The following CDH13 variants were observed in gnomAD, a reference collection of about 807,000 sequenced individuals.
CDH13 encodes the protein cadherin 13.
CDH13 carries 24 observed loss-of-function variants against 63.8 expected under a neutral mutation model. The observed-to-expected ratio is 0.38, with a 90% CI of 0.27 to 0.53. The LOEUF (loss-of-function observed/expected upper bound fraction) is 0.53. Ranked by LOEUF, CDH13 falls within the 20% of genes least tolerant of loss-of-function variation. The pLI, the probability that CDH13 is intolerant of heterozygous loss-of-function variation, is 0.85. For synonymous variants in CDH13, 503 were observed against 355.3 expected (o/e 1.42, Z -4.67); for missense variants, 1,049 against 903.1 (o/e 1.16, Z -2.07).
chr16:83,085,974 A>C (rs546553748), intron 3 of CDH13, among the ~76,000 whole-genome samples: 130 of 152,310 alleles, frequency 8.5e-4, no homozygotes, highest in Non-Finnish European at 1.6e-3. Flanking sequence ...TCCTTTGCTG[A>C]GAGAGTTAAA....
chr16:82,984,568 A>T (rs1303339609), intron 2 of CDH13, among the ~76,000 whole-genome samples: 1 of 152,188 alleles, frequency 6.6e-6, no homozygotes, highest in East Asian at 1.9e-4. Flanking sequence ...ATTCATTTTC[A>T]ACTTGCTCTG....
intron 10 of CDH13, among the ~76,000 whole-genome samples, chr16:83,695,091 C>T (rs1463503245): frequency 6.6e-6 from 1 of 152,066 alleles, no homozygotes; most frequent in Non-Finnish European, 1.5e-5. Flanking sequence ...CCCATAGTCC[C>T]AGCTATTCAG....
chr16:83,310,125 C>G (rs964222781), intron 5 of CDH13, among the ~76,000 whole-genome samples: 9 of 152,114 alleles, frequency 5.9e-5, no homozygotes, highest in African/African-American at 2.2e-4. Context: ...TTGGAAGTGA[C>G]AGATGAAATT....
chr16:83,116,802 A>C (rs1267575764), intron 3 of CDH13, among the ~76,000 whole-genome samples: 1 of 152,202 alleles, frequency 6.6e-6, no homozygotes, highest in African/African-American at 2.4e-5. Flanking sequence ...CTTTTAAAAT[A>C]CTGCAGGCGA....
chr16:83,445,478 C>T (rs760031735), intron 6 of CDH13, among the ~76,000 whole-genome samples: 2 of 152,086 alleles, frequency 1.3e-5, no homozygotes, highest in Non-Finnish European at 2.9e-5. Flanking sequence ...TAAGGAGGAG[C>T]TTTATCACCT....
At chr16:83,317,049 G>C (rs767811039) in intron 5 of CDH13, among the ~76,000 whole-genome samples, 2 of 152,148 alleles carry the variant, frequency 1.3e-5, no homozygotes, top group Admixed American at 6.5e-5. Context: ...AGACATTTCT[G>C]GTTATCACAA....
At chr16:82,759,904 C>T (rs1030045599) in intron 1 of CDH13, among the ~76,000 whole-genome samples, 6 of 152,072 alleles carry the variant, frequency 3.9e-5, no homozygotes, top group African/African-American at 1.4e-4. Context: ...AAGCCCCAAT[C>T]CACATTTTTT....
intron 4 of CDH13, among the ~76,000 whole-genome samples, chr16:83,192,571 G>A (rs2038752392): frequency 6.6e-6 from 1 of 152,154 alleles, no homozygotes; most frequent in Non-Finnish European, 1.5e-5. Flanking sequence ...TAAATCCAGA[G>A]GCTATAAACT....
intron 5 of CDH13, among the ~76,000 whole-genome samples, chr16:83,272,126 CCT>C (rs1255207642): frequency 6.6e-6 from 1 of 152,144 alleles, no homozygotes; most frequent in Non-Finnish European, 1.5e-5. Context: ...TTATGGAGTA[CCT>C]CTCTCAGTCC....
chr16:83,229,947 C>T (rs1422501672), intron 5 of CDH13, among the ~76,000 whole-genome samples: 1 of 152,098 alleles, frequency 6.6e-6, no homozygotes, highest in Admixed American at 6.5e-5. Flanking sequence ...GTAAAACATT[C>T]GTGTGACTGG....
chr16:83,204,835 A>G lies in CDH13; in HGVS notation c.484-12510A>G, dbSNP rs530541792. 9.5e-4 allele frequency among the ~76,000 whole-genome samples: 144 copies of G among 152,336 alleles called. 1 individual carries two copies. The highest frequency in any genetic ancestry group is 3.3e-3 in the African/African-American group (139 of 41,588). On this transcript the variant is annotated intron_variant, in intron 4 of 13. Coordinates refer to ENST00000567109, the MANE Select transcript of CDH13 (RefSeq NM_001257.5). ...TGGGACCCAGGTCCATGAAGTCACT[A>G]CAATTTGGAACATTGCTGGTCACCA...
intron 6 of CDH13, among the ~76,000 whole-genome samples, chr16:83,400,579 A>G (rs558069610): frequency 6.6e-6 from 1 of 152,332 alleles, no homozygotes; most frequent in South Asian, 2.1e-4. Context: ...AGTTTTTGCC[A>G]TTGAAAGTAA....
chr16:83,728,453 T>C (rs886757296), intron 10 of CDH13, among the ~76,000 whole-genome samples: 5 of 152,098 alleles, frequency 3.3e-5, no homozygotes, highest in Non-Finnish European at 5.9e-5. Flanking sequence ...ATATGTGCAA[T>C]GCAATTCTTT....
chr16:83,033,146 A>G (rs140359312), intron 3 of CDH13, among the ~76,000 whole-genome samples: 2 of 152,314 alleles, frequency 1.3e-5, no homozygotes, highest in East Asian at 3.9e-4. Flanking sequence ...ACATATGTAT[A>G]CATCCACATT....
rs1337808268 is a variant in CDH13 at position 83,272,076 on chromosome 16, C to A, written c.636+54579C>A. Among the ~76,000 whole-genome samples, 3 of 152,080 alleles carry A rather than the reference C, an allele frequency of 2.0e-5. No homozygotes were observed. In the East Asian group the frequency reaches 5.8e-4, roughly 29 times the overall value. ...TTTTTAGAAAATTAATTTGTTCAAC[C>A]AGTGTTTGGGTGCTTCTTGTTTGTT... On this transcript the variant is annotated intron_variant, in intron 5 of 13. Coordinates refer to ENST00000567109, the MANE Select transcript of CDH13 (RefSeq NM_001257.5).
chr16:83,125,325 G>A, intron 3 of CDH13, 60 bp from the exon 4 acceptor site: 1 of 905,798 alleles, frequency 1.1e-6, no homozygotes. Flanking sequence ...CTATCTCGGA[G>A]CAGACTGATA....
At chr16:82,743,604 C>T (rs2034031835) in intron 1 of CDH13, among the ~76,000 whole-genome samples, 1 of 152,150 alleles carries the variant, frequency 6.6e-6, no homozygotes, top group Admixed American at 6.5e-5. Context: ...TTCACCTAGA[C>T]AGAGAATAGA....
rs144337347 is a variant in CDH13 at position 83,385,065 on chromosome 16, A to C, written c.781+40059A>C. Among the ~76,000 whole-genome samples, 258 of 152,358 alleles carry C rather than the reference A, an allele frequency of 1.7e-3. 1 individual carries two copies. The highest frequency in any genetic ancestry group is 5.9e-3 in the African/African-American group (247 of 41,596). On this transcript the variant is annotated intron_variant, in intron 6 of 13. Coordinates refer to ENST00000567109, the MANE Select transcript of CDH13 (RefSeq NM_001257.5). ...TGGCCCCTACTGTCTCTACATTTGT[A>C]TGGAAAATGTAATGGGTCATGAAAT...
At chr16:83,713,369 A>C (rs1021387775) in intron 10 of CDH13, among the ~76,000 whole-genome samples, 3 of 152,136 alleles carry the variant, frequency 2.0e-5, no homozygotes, top group Admixed American at 2.0e-4. Flanking sequence ...TTTGAGTCCG[A>C]CTTATTTTTG....
Sources: allele counts gnomAD v4.1 joint callset (sites outside exome capture counted in the v4.1 genomes callset), GRCh38; gene constraint gnomAD v4.1.1; transcripts MANE v1.5; gene names NCBI Gene and HGNC (gene_info 2026-07-23, HGNC 2026-07-21).